The following SDC2 variants were observed in gnomAD, a reference collection of about 807,000 sequenced individuals.
The protein encoded by SDC2 is syndecan-2.
In SDC2, 13 loss-of-function variants were observed where a neutral mutation model predicts 22.2. The observed-to-expected ratio is 0.59, with a 90% CI of 0.38 to 0.93. The LOEUF (loss-of-function observed/expected upper bound fraction) is 0.93, where lower values mean the gene tolerates loss of function less well. Among genes scored for constraint, SDC2 ranks in the 40% least tolerant of loss-of-function variants. SDC2 has a pLI of 0.00. For missense variants in SDC2, 235 were observed against 246.8 expected, an observed-to-expected ratio of 0.95 and a Z score of 0.32; for synonymous variants, 94 against 92.8, an observed-to-expected ratio of 1.01 and a Z score of -0.07.
At chr8:96,566,088 C>G (rs950915717) in intron 1 of SDC2, among the ~76,000 whole-genome samples, 3 of 152,196 alleles carry the variant, frequency 2.0e-5, no homozygotes. Context: ...CACATGGGCA[C>G]AGTGAGCACT....
At chr8:96,556,665 A>G (rs1457540946) in intron 1 of SDC2, among the ~76,000 whole-genome samples, 1 of 152,182 alleles carries the variant, frequency 6.6e-6, no homozygotes, top group Admixed American at 6.5e-5. Context: ...TAAAACCATA[A>G]AAACCCTAGA....
intron 1 of SDC2, among the ~76,000 whole-genome samples, chr8:96,558,582 A>G (rs543248644): frequency 6.6e-6 from 1 of 152,218 alleles, no homozygotes; most frequent in African/African-American, 2.4e-5. Context: ...AAATGTCTCT[A>G]TAAATTGATA....
intron 1 of SDC2, among the ~76,000 whole-genome samples, chr8:96,586,095 A>G (rs1814681626): frequency 6.6e-6 from 1 of 152,182 alleles, no homozygotes; most frequent in Non-Finnish European, 1.5e-5. Context: ...TCCAAAGACC[A>G]GAGCCATGCC....
chr8:96,585,462 C>T (rs1814666876), intron 1 of SDC2, among the ~76,000 whole-genome samples: 2 of 152,064 alleles, frequency 1.3e-5, no homozygotes, highest in African/African-American at 2.4e-5. Context: ...GGGAGGTGAG[C>T]ATAGACTCAG....
chr8:96,597,409 G>T (rs561674351), intron 2 of SDC2, among the ~76,000 whole-genome samples: 1 of 152,290 alleles, frequency 6.6e-6, no homozygotes, highest in Non-Finnish European at 1.5e-5. Flanking sequence ...CAGTCGAGGG[G>T]ATGTTGCCTA....
At chr8:96,546,624 A>C (rs765517956) in intron 1 of SDC2, among the ~76,000 whole-genome samples, 17 of 152,180 alleles carry the variant, frequency 1.1e-4, no homozygotes, top group Non-Finnish European at 1.9e-4. Context: ...TAGAATGTGT[A>C]ATGAATTTTT....
chr8:96,574,888 C>T (rs1234869125), intron 1 of SDC2, among the ~76,000 whole-genome samples: 1 of 152,098 alleles, frequency 6.6e-6, no homozygotes, highest in South Asian at 2.1e-4. Flanking sequence ...TTCCACTGAC[C>T]GAGGGCAGGG....
intron 1 of SDC2, among the ~76,000 whole-genome samples, chr8:96,523,283 C>T (rs13256974): frequency 0.45 from 68,401 of 151,980 alleles, 16,181 homozygotes; most frequent in Non-Finnish European, 0.53. Flanking sequence ...AGCTAAACCA[C>T]GAAGTTAAAC....
At chr8:96,523,687 G>A (rs1385983512) in intron 1 of SDC2, among the ~76,000 whole-genome samples, 1 of 152,134 alleles carries the variant, frequency 6.6e-6, no homozygotes, top group Non-Finnish European at 1.5e-5. Context: ...TAAAACGTTG[G>A]TTTAAACGTG....
chr8:96,535,476 C>T (rs1173995099), intron 1 of SDC2, among the ~76,000 whole-genome samples: 8 of 152,210 alleles, frequency 5.3e-5, no homozygotes, highest in East Asian at 1.9e-4. Context: ...TTTACCCACA[C>T]GGCAGCATGT....
rs369715724 is a variant in SDC2, at chr8:96,569,326, C to T, written c.61-24154C>T. Among the ~76,000 whole-genome samples, 23 of 152,290 alleles carry T rather than the reference C, an allele frequency of 1.5e-4. No individual in the cohort carries two copies. In the East Asian group the frequency reaches 3.1e-3, roughly 20 times the overall value. On this transcript the variant is annotated intron_variant, in intron 1 of 4. Coordinates refer to ENST00000302190, the MANE Select transcript of SDC2 (RefSeq NM_002998.4). ...TCTCAGCCTCTTCCTTTTTCTTATA[C>T]TCTCAGCCTAGATATCCTTTCCTCC...
intron 1 of SDC2, among the ~76,000 whole-genome samples, chr8:96,531,744 G>T (rs1482130033): frequency 6.6e-6 from 1 of 152,208 alleles, no homozygotes; most frequent in Non-Finnish European, 1.5e-5. Context: ...TTATAAATCT[G>T]TTCTGGTAAT....
intron 1 of SDC2, among the ~76,000 whole-genome samples, chr8:96,537,759 G>A (rs1348320495): frequency 6.6e-6 from 1 of 152,118 alleles, no homozygotes; most frequent in Non-Finnish European, 1.5e-5. Flanking sequence ...GATTTTAAAA[G>A]TTCTTTCTTC....
chr8:96,583,390 A>G (rs1033814031), intron 1 of SDC2, among the ~76,000 whole-genome samples: 13 of 30,754 alleles, frequency 4.2e-4, no homozygotes, highest in Admixed American at 9.4e-4. Context: ...TATATATGAC[A>G]TATGTGTGTG....
intron 1 of SDC2, among the ~76,000 whole-genome samples, chr8:96,578,000 A>T (rs1814532208): frequency 6.6e-6 from 1 of 152,246 alleles, no homozygotes; most frequent in South Asian, 2.1e-4. Flanking sequence ...ACTGTTTTAC[A>T]CAAATGATAG....
intron 1 of SDC2, among the ~76,000 whole-genome samples, chr8:96,546,772 T>C (rs1431884380): frequency 3.3e-5 from 5 of 152,184 alleles, no homozygotes; most frequent in Non-Finnish European, 5.9e-5. Context: ...AACAGGACCA[T>C]GTGTGAATGG....
intron 3 of SDC2, among the ~76,000 whole-genome samples, chr8:96,606,920 C>T (rs568985338): frequency 3.3e-5 from 5 of 152,258 alleles, no homozygotes; most frequent in East Asian, 1.9e-4. Context: ...TCTGGGGCCA[C>T]GGACCAGTAG....
intron 1 of SDC2, among the ~76,000 whole-genome samples, chr8:96,527,545 G>T (rs1813598142): frequency 6.6e-6 from 1 of 152,160 alleles, no homozygotes; most frequent in Admixed American, 6.5e-5. Flanking sequence ...TACGTGATCT[G>T]GTCCTGCGTG....
At chr8:96,540,185 G>A (rs924375568) in intron 1 of SDC2, among the ~76,000 whole-genome samples, 64 of 151,220 alleles carry the variant, frequency 4.2e-4, no homozygotes, top group African/African-American at 1.5e-3. Flanking sequence ...CCCCCGCCCC[G>A]CCAGCTACAG....
Sources: gnomAD v4.1 joint callset for allele counts (sites outside exome capture counted in the v4.1 genomes callset) on GRCh38, gnomAD v4.1.1 for gene constraint, MANE v1.5 for transcripts, NCBI Gene and HGNC (gene_info 2026-07-23, HGNC 2026-07-21) for gene names.